The following NEB variants were observed in gnomAD, a reference collection of about 807,000 sequenced individuals.
The protein encoded by NEB is nemaline myopathy type 2.
In NEB, 512 loss-of-function variants were observed where a neutral mutation model predicts 952.2. That is an observed-to-expected ratio of 0.54 (90% CI 0.50 to 0.58). The LOEUF (loss-of-function observed/expected upper bound fraction) is 0.58. Ranked by LOEUF, NEB falls within the 20% of genes least tolerant of loss-of-function variation. The pLI, the probability that NEB is intolerant of heterozygous loss-of-function variation, is 0.00. For synonymous variants in NEB, 2,900 were observed against 3,149.8 expected (o/e 0.92, Z 2.66); for missense variants, 8,428 against 9,231.1 (o/e 0.91, Z 3.56).
At chr2:151,495,081 G>C (rs550325427) in intron 173 of NEB, 1 of 152,336 alleles carries the variant, frequency 6.6e-6, no homozygotes, top group Non-Finnish European at 1.5e-5. Flanking sequence ...TCTATGCTCT[G>C]CCTCTTGCTT....
At chr2:151,517,391 G>A (rs149965029) in intron 156 of NEB, among the ~76,000 whole-genome samples, 43 of 152,298 alleles carry the variant, frequency 2.8e-4, no homozygotes, top group African/African-American at 8.9e-4. Context: ...CAGAAGACAC[G>A]AGGACGTTTC....
At position 151,642,596 on chromosome 2, in the gene NEB, G is replaced by T. The variant is rs1297041796; in HGVS notation, c.8351C>A (p.Ala2784Asp). 6.2e-7 allele frequency: 1 copy of T among 1,613,432 alleles called. No homozygotes were observed. The highest frequency in any genetic ancestry group is 1.7e-5 in the Admixed American group (1 of 60,012). ...TACTTCACTTGCAATATCTCTGGAG[G>T]CCTTGGCTGCCTTGATAGGAATGGC... is the stretch of plus-strand genomic sequence containing the variant. ...VDAIPIKAAKASRDIASEFKY... is the reference protein window; with the variant it reads ...VDAIPIKAAKDSRDIASEFKY... The change falls in exon 60 of 182, where the codon GCC becomes GAC. Residue 2784 changes from alanine (A) to aspartate (D), a missense_variant. By Grantham distance (126) the Ala-to-Asp change is moderately radical. Around this residue, in one of 11 missense-constraint regions of NEB, gnomAD observed 1,772 missense variants for 1,960.3 expected, o/e 0.90. Coordinates refer to ENST00000397345, the MANE Select transcript of NEB (RefSeq NM_001164508.2).
Position 151,638,484 on chromosome 2 carries a change from C to T in NEB, c.8994+796G>A, listed in dbSNP as rs536945839. On this transcript the variant is annotated intron_variant, in intron 63 of 181. Transcript: ENST00000397345. Reference sequence around the variant, plus strand: ...GCTGCTCTCCATCTCTGGGGGTTGGCACAGATTTGTTCTGTGCAGCTTCAG... The same window carrying T: ...GCTGCTCTCCATCTCTGGGGGTTGGTACAGATTTGTTCTGTGCAGCTTCAG... 6.6e-5 allele frequency among the ~76,000 whole-genome samples: 10 copies of T among 152,268 alleles called. No individual in the cohort carries two copies. In the East Asian group the frequency reaches 1.9e-3, roughly 29 times the overall value.
At chr2:151,720,300 T>C (rs1157786695) in intron 9 of NEB, among the ~76,000 whole-genome samples, 1 of 152,202 alleles carries the variant, frequency 6.6e-6, no homozygotes, top group African/African-American at 2.4e-5. Flanking sequence ...CCCAAGCCCT[T>C]AGCCAGAAAT....
chr2:151,697,200 T>G lies in NEB; in HGVS notation c.1418A>C (p.Gln473Pro). 1 of 1,613,832 alleles carries G rather than the reference T, an allele frequency of 6.2e-7. No individual in the cohort carries two copies. The highest frequency in any genetic ancestry group is 2.2e-5 in the East Asian group (1 of 44,874). ...TGCTTCATATTCTTGAGTTATGGTC[T>G]GAGGGAAGAAGCCTTTGCCTCTGTC... is the stretch of plus-strand genomic sequence containing the variant. The part of the protein sequence containing the change: ...EEDRGKGFFP[Q>P]TITQEYEAIK... Residue 473 changes from glutamine to proline, a missense_variant, in exon 16 of 182, where the codon CAG becomes CCG. Transcript: ENST00000397345.
At chr2:151,664,887 T>G (rs1165501975) in intron 42 of NEB, 24 bp from the exon 43 acceptor site, 1 of 1,545,048 alleles carries the variant, frequency 6.5e-7, no homozygotes, top group Non-Finnish European at 8.9e-7. Context: ...GTCAGGTGCA[T>G]GATTTTACAG....
chr2:151,504,406 A>C (rs767122803), intron 165 of NEB, among the ~76,000 whole-genome samples: 13 of 152,332 alleles, frequency 8.5e-5, no homozygotes, highest in Non-Finnish European at 1.6e-4. Context: ...AAAACCAAGA[A>C]GTTGTAATGC....
rs752825848 is a variant in NEB, at chr2:151,610,823, T to G, written c.11849A>C (p.His3950Pro). Residue 3950 changes from histidine to proline, a missense_variant, in exon 79 of 182, where the codon CAC becomes CCC. His to Pro is a moderately conservative substitution (Grantham distance 77, BLOSUM62 -2). This residue lies in a region of NEB where 337 missense variants were observed against 297.5 expected (regional missense o/e 1.13). Transcript: ENST00000397345. The part of the protein sequence containing the change: ...EAWDADKTSI[H>P]VMPDTPDILL... ...GATATCTGGGGTGTCTGGCATCACGTGGATGGAGGTTTTGTCAGCATCCCA... is the reference window on the plus strand; with the variant it reads ...GATATCTGGGGTGTCTGGCATCACGGGGATGGAGGTTTTGTCAGCATCCCA... 4 of 1,605,040 alleles carry G rather than the reference T, an allele frequency of 2.5e-6. No individual in the cohort carries two copies. The highest frequency in any genetic ancestry group is 3.4e-6 in the Non-Finnish European group (4 of 1,175,420).
chr2:151,552,707 C>G lies in NEB; in HGVS notation c.19801G>C (p.Val6601Leu), dbSNP rs553079055. The G allele has an allele frequency of 6.2e-7, 1 of 1,613,320 alleles. No homozygotes were observed. The highest frequency in any genetic ancestry group is 8.5e-7 in the Non-Finnish European group (1 of 1,179,500). ...YKLVTDTPVY[V>L]QAVKSGKQLS... ...TGTTTCCCACTTTTGACAGCCTGCA[C>G]GTAGACTGGTGTATCTGTGACAAGC... The change falls in exon 128 of 182, where the codon GTG becomes CTG. Residue 6601 changes from valine to leucine, a missense_variant. Transcript: ENST00000397345.
intron 162 of NEB, among the ~76,000 whole-genome samples, chr2:151,507,369 C>T (rs1444589489): frequency 6.6e-6 from 1 of 152,164 alleles, no homozygotes. Flanking sequence ...GGCACCTTGG[C>T]ATTTGAAAAA....
chr2:151,654,223 A>G (rs1346214716), intron 51 of NEB, 124 bp from the exon 52 acceptor site: 1 of 505,426 alleles, frequency 2.0e-6, no homozygotes, highest in African/African-American at 2.0e-5. Flanking sequence ...ATCTTTAAAG[A>G]TATGGATAAA....
intron 63 of NEB, among the ~76,000 whole-genome samples, chr2:151,638,375 T>C (rs934528997): frequency 1.3e-5 from 2 of 152,180 alleles, no homozygotes; most frequent in Middle Eastern, 3.2e-3. Context: ...TTACTAGTGA[T>C]GTCATGTGAG....
chr2:151,629,603 T>C lies in NEB; in HGVS notation c.9767A>G (p.Tyr3256Cys), dbSNP rs1365723573. ...LANEEAKKKG[Y>C]DLRSDAIPIV... ...GGGGATGGCGTCACTTCGCAAGTCGTAGCCTTTCTTTTTTGCTTCTTCATT... is the reference window on the plus strand; with the variant it reads ...GGGGATGGCGTCACTTCGCAAGTCGCAGCCTTTCTTTTTTGCTTCTTCATT... Residue 3256 changes from tyrosine (Y) to cysteine (C), a missense_variant, in exon 68 of 182, where the codon TAC becomes TGC. Tyr to Cys is a radical substitution (Grantham distance 194, BLOSUM62 -2). Transcript: ENST00000397345. 2.5e-6 allele frequency: 4 copies of C among 1,613,724 alleles called. No homozygotes were observed. The highest frequency in any genetic ancestry group is 3.4e-6 in the Non-Finnish European group (4 of 1,179,790).
intron 12 of NEB, among the ~76,000 whole-genome samples, chr2:151,709,311 C>T (rs1298077916): frequency 1.3e-5 from 2 of 152,224 alleles, no homozygotes; most frequent in East Asian, 3.9e-4. Context: ...CAGCAAAAGG[C>T]CCTTCCAGTG....
intron 141 of NEB, 57 bp downstream of exon 141, chr2:151,537,075 C>T (rs1312403999): frequency 9.3e-7 from 1 of 1,075,228 alleles, no homozygotes; most frequent in Non-Finnish European, 1.4e-6. Flanking sequence ...TGCTAATTCT[C>T]TCTGGGTACA....
chr2:151,717,414 A>G lies in NEB; in HGVS notation c.822+2T>C. On this transcript the variant is annotated splice_donor_variant, in intron 10 of 181. Transcript: ENST00000397345. LOFTEE classifies it high-confidence loss of function. ...GGCAATGTCCCAGCTCTATTTACTT[A>G]CCTTGCTCACTTGATTGGTTACTTT... is the stretch of plus-strand genomic sequence containing the variant. 6.2e-7 allele frequency: 1 copy of G among 1,600,398 alleles called. No individual in the cohort carries two copies. Among genetic ancestry groups the G allele is most frequent in the Non-Finnish European group, 8.6e-7 (1 of 1,167,386 alleles).
At chr2:151,627,314 T>C in intron 69 of NEB, 109 bp from the exon 70 acceptor site, 1 of 1,402,532 alleles carries the variant, frequency 7.1e-7, no homozygotes, top group Non-Finnish European at 9.6e-7. Flanking sequence ...CATGTATACG[T>C]TCTTCAATAT....
At chr2:151,712,973 A>G (rs755850940) in intron 10 of NEB, among the ~76,000 whole-genome samples, 1 of 152,210 alleles carries the variant, frequency 6.6e-6, no homozygotes, top group Admixed American at 6.5e-5. Context: ...AGAAAGAGTC[A>G]GTTTCACTTC....
chr2:151,732,692 T>C (rs2099811762), intron 3 of NEB, among the ~76,000 whole-genome samples: 1 of 152,218 alleles, frequency 6.6e-6, no homozygotes, highest in Non-Finnish European at 1.5e-5. Flanking sequence ...TGTTACCCTA[T>C]AGATGATTAG....
Sources: gnomAD v4.1 joint callset for allele counts (sites outside exome capture counted in the v4.1 genomes callset) on GRCh38, gnomAD v4.1.1 for gene constraint, gnomAD v4.1.1 regional missense constraint, MANE v1.5 for transcripts, NCBI Gene and HGNC (gene_info 2026-07-23, HGNC 2026-07-21) for gene names.